DNAJC5B: variants seen among roughly 807,000 people sequenced by gnomAD.
The protein encoded by DNAJC5B is DnaJ heat shock protein family (Hsp40) member C5 beta, also known as dnaJ homolog subfamily C member 5B.
DNAJC5B carries 23 observed loss-of-function variants against 24.7 expected under a neutral mutation model. The ratio of observed to expected loss-of-function variants is 0.93; its 90% confidence interval spans 0.67 to 1.32. DNAJC5B has a LOEUF of 1.32. DNAJC5B is among the 40% of genes most tolerant of loss of function. The pLI is 0.00. For synonymous variants in DNAJC5B, 101 were observed against 90.1 expected (o/e 1.12, Z -0.68); for missense variants, 238 against 240.8 (o/e 0.99, Z 0.08).
At chr8:66,099,814 T>C (rs1808033285) in intron 5 of DNAJC5B, 123 bp from the exon 6 acceptor site, 1 of 768,690 alleles carries the variant, frequency 1.3e-6, no homozygotes, top group Non-Finnish European at 2.1e-6. Context: ...GTAGGTATAT[T>C]GATATCTTAT....
At chr8:66,065,369 T>G (rs942570789) in intron 3 of DNAJC5B, among the ~76,000 whole-genome samples, 2 of 152,248 alleles carry the variant, frequency 1.3e-5, no homozygotes, top group African/African-American at 4.8e-5. Context: ...GGGGCCTTGC[T>G]GGTCAAAGTA....
At chr8:66,040,397 A>AG (rs1378141354) in intron 1 of DNAJC5B, among the ~76,000 whole-genome samples, 2 of 152,136 alleles carry the variant, frequency 1.3e-5, no homozygotes, top group East Asian at 1.9e-4. Context: ...TAAAAAAAAA[A>AG]AAAGTGACTT....
At chr8:66,068,603 TAGA>T (rs1807275576) in intron 3 of DNAJC5B, among the ~76,000 whole-genome samples, 1 of 124,210 alleles carries the variant, frequency 8.1e-6, no homozygotes, top group South Asian at 2.9e-4. Flanking sequence ...ATAAAAAACA[TAGA>T]AGATTTATTA....
intron 2 of DNAJC5B, among the ~76,000 whole-genome samples, chr8:66,047,853 C>T (rs1806756461): frequency 6.6e-6 from 1 of 152,176 alleles, no homozygotes; most frequent in African/African-American, 2.4e-5. Flanking sequence ...GGCCCACTGG[C>T]TGTGGGAGTA....
intron 5 of DNAJC5B, among the ~76,000 whole-genome samples, chr8:66,089,090 A>C (rs1410025458): frequency 6.6e-6 from 1 of 152,228 alleles, no homozygotes; most frequent in East Asian, 1.9e-4. Flanking sequence ...AAGAGGTTTA[A>C]TTGACTTCAC....
At chr8:66,064,780 G>A (rs117232625) in intron 3 of DNAJC5B, among the ~76,000 whole-genome samples, 3 of 152,288 alleles carry the variant, frequency 2.0e-5, no homozygotes, top group Non-Finnish European at 4.4e-5. Context: ...ACCCACTGGT[G>A]TCAGAAGTTC....
intron 1 of DNAJC5B, among the ~76,000 whole-genome samples, chr8:66,022,425 G>T (rs946247029): frequency 2.0e-5 from 3 of 152,144 alleles, no homozygotes; most frequent in Non-Finnish European, 2.9e-5. Context: ...ACTCCCTTGG[G>T]TCTTAGCACA....
At chr8:66,099,174 A>G (rs1228951117) in intron 5 of DNAJC5B, among the ~76,000 whole-genome samples, 1 of 152,134 alleles carries the variant, frequency 6.6e-6, no homozygotes, top group Non-Finnish European at 1.5e-5. Context: ...ACTTTTGCTA[A>G]GTGCTTGAGA....
At chr8:66,028,068 C>T (rs1345841070) in intron 1 of DNAJC5B, among the ~76,000 whole-genome samples, 1 of 152,010 alleles carries the variant, frequency 6.6e-6, no homozygotes. Flanking sequence ...TTCAAAGTGC[C>T]CCAGGGGCTC....
chr8:66,074,333 T>C (rs542307130), intron 3 of DNAJC5B, among the ~76,000 whole-genome samples: 9 of 152,296 alleles, frequency 5.9e-5, no homozygotes, highest in African/African-American at 1.9e-4. Context: ...GAGCAAAACA[T>C]TGTAACTCTT....
intron 3 of DNAJC5B, among the ~76,000 whole-genome samples, chr8:66,056,225 GT>G (rs1192735746): frequency 2.0e-5 from 3 of 152,132 alleles, no homozygotes; most frequent in Non-Finnish European, 4.4e-5. Context: ...AGGCATCCAG[GT>G]AGTCTCATTC....
intron 1 of DNAJC5B, among the ~76,000 whole-genome samples, chr8:66,024,435 T>A (rs1237622676): frequency 2.0e-5 from 3 of 148,456 alleles, no homozygotes; most frequent in East Asian, 3.9e-4. Context: ...GTTTTTTTTT[T>A]ATTATTATAC....
chr8:66,031,121 G>C (rs1017710633), intron 1 of DNAJC5B, among the ~76,000 whole-genome samples: 2 of 152,138 alleles, frequency 1.3e-5, no homozygotes, highest in Non-Finnish European at 1.5e-5. Context: ...CATAACTAGG[G>C]AATGGTAAAA....
intron 5 of DNAJC5B, among the ~76,000 whole-genome samples, chr8:66,090,337 T>G (rs549477907): frequency 6.6e-5 from 10 of 151,784 alleles, no homozygotes; most frequent in Non-Finnish European, 1.5e-4. Flanking sequence ...CGGAACCAGT[T>G]ACCTCTGAAC....
chr8:66,032,776 C>G (rs569755831), intron 1 of DNAJC5B, among the ~76,000 whole-genome samples: 1 of 152,230 alleles, frequency 6.6e-6, no homozygotes, highest in Non-Finnish European at 1.5e-5. Context: ...TGCTCCTCAT[C>G]GCTTGATACA....
At chr8:66,040,550 A>G (rs1421063100) in intron 1 of DNAJC5B, among the ~76,000 whole-genome samples, 1 of 152,184 alleles carries the variant, frequency 6.6e-6, no homozygotes, top group Non-Finnish European at 1.5e-5. Flanking sequence ...ATTCCTCTAG[A>G]GAGTTGCTGG....
chr8:66,097,604 T>C (rs1034662290), intron 5 of DNAJC5B, among the ~76,000 whole-genome samples: 3 of 152,072 alleles, frequency 2.0e-5, no homozygotes, highest in Non-Finnish European at 4.4e-5. Context: ...TCTGCCTGAA[T>C]TATATCTCTA....
At chr8:66,069,246 T>A (rs1052431868) in intron 3 of DNAJC5B, among the ~76,000 whole-genome samples, 1 of 151,872 alleles carries the variant, frequency 6.6e-6, no homozygotes, top group Non-Finnish European at 1.5e-5. Context: ...AAAATAAATA[T>A]AGACCAAATG....
chr8:66,089,615 C>T (rs148426083), intron 5 of DNAJC5B, among the ~76,000 whole-genome samples: 1 of 152,260 alleles, frequency 6.6e-6, no homozygotes, highest in East Asian at 1.9e-4. Context: ...TTGACTCTAG[C>T]TAAAGTCTAA....
Sources: gnomAD v4.1 joint callset for allele counts (sites outside exome capture counted in the v4.1 genomes callset) on GRCh38, gnomAD v4.1.1 for gene constraint, MANE v1.5 for transcripts, NCBI Gene and HGNC (gene_info 2026-07-23, HGNC 2026-07-21) for gene names.